WRAP53: variants seen among roughly 807,000 people sequenced by gnomAD.
The protein encoded by WRAP53 is WD repeat containing antisense to TP53.
Under a neutral mutation model 56.6 loss-of-function variants are expected in WRAP53, and 28 were observed. The ratio of observed to expected loss-of-function variants is 0.50; its 90% CI spans 0.37 to 0.68. The LOEUF is 0.68. WRAP53 is among the 30% of genes least tolerant of loss of function. The probability of loss-of-function intolerance (pLI) is 0.00; values close to 1 mark genes in which losing one functional copy is unlikely to be tolerated. For synonymous variants in WRAP53, 283 were observed against 283.4 expected (o/e 1.00, Z 0.01); for missense variants, 671 against 715.5 (o/e 0.94, Z 0.71).
intron 4 of WRAP53, among the ~76,000 whole-genome samples, chr17:7,698,041 T>C (rs769163565): frequency 1.3e-5 from 2 of 152,156 alleles, no homozygotes; most frequent in Non-Finnish European, 2.9e-5. Context: ...AATTTTTTAA[T>C]TTTTTGTAAA....
At chr17:7,691,922 C>T (rs138105383) in intron 4 of WRAP53, among the ~76,000 whole-genome samples, 3,448 of 151,810 alleles carry the variant, frequency 0.023, 127 homozygotes, top group African/African-American at 0.076. Flanking sequence ...CCGCAACCTC[C>T]GCCTCCCAGG....
At chr17:7,699,240 C>T (rs1407718857) in intron 4 of WRAP53, among the ~76,000 whole-genome samples, 1 of 149,458 alleles carries the variant, frequency 6.7e-6, no homozygotes, top group Non-Finnish European at 1.5e-5. Flanking sequence ...GCCAACGTGG[C>T]GAAACCCTGT....
At chr17:7,700,047 T>C (rs905680904) in intron 4 of WRAP53, among the ~76,000 whole-genome samples, 1 of 151,862 alleles carries the variant, frequency 6.6e-6, no homozygotes, top group Admixed American at 6.6e-5. Flanking sequence ...ATTTTTTTCT[T>C]TTCTTTTTCT....
chr17:7,695,078 G>A (rs1353539004), intron 4 of WRAP53, among the ~76,000 whole-genome samples: 1 of 151,684 alleles, frequency 6.6e-6, no homozygotes, highest in Non-Finnish European at 1.5e-5. Context: ...TCAGCCTCTC[G>A]AGTAGCTGGG....
chr17:7,702,837 A>T lies in WRAP53; in HGVS notation c.1259A>T (p.Asp420Val), dbSNP rs2074293668. The T allele has an allele frequency of 6.2e-7, 1 of 1,613,692 alleles. No individual in the cohort carries two copies. The highest frequency in any genetic ancestry group is 1.3e-5 in the African/African-American group (1 of 74,836). ...ACCACCAATCAGCGCATCTACTTCG[A>T]TCTGGACCCGTGAGTGGCTGTGACT... ...EVTTNQRIYF[D>V]LDPTGQFLVS... Residue 420 changes from aspartate to valine, a missense_variant, in exon 9 of 11, where the codon GAT becomes GTT. Asp to Val is a radical substitution (Grantham distance 152, BLOSUM62 -3). Transcript: ENST00000396463. The surrounding 1 kb of genome is among the most constrained non-coding windows in gnomAD (Gnocchi z 5.0).
intron 4 of WRAP53, among the ~76,000 whole-genome samples, chr17:7,697,040 G>T (rs2096508042): frequency 6.6e-6 from 1 of 152,136 alleles, no homozygotes. Context: ...GAAAAAGACG[G>T]CTGGGCATGG....
intron 4 of WRAP53, among the ~76,000 whole-genome samples, chr17:7,693,434 T>A (rs1026580323): frequency 6.6e-6 from 1 of 152,074 alleles, no homozygotes; most frequent in Non-Finnish European, 1.5e-5. Flanking sequence ...TTAAAGCACT[T>A]AAGGCCGGGT....
Position 7,689,338 on chromosome 17 carries a change from G to A in WRAP53, c.530+16G>A, listed in dbSNP as rs764697968. The A allele has an allele frequency of 1.2e-6, 2 of 1,612,566 alleles. No individual in the cohort carries two copies. Among genetic ancestry groups the A allele is most frequent in the Non-Finnish European group, 1.7e-6 (2 of 1,179,248 alleles). ...GCTGTAAGTGGTAAGGATAACAACG[G>A]GGCAGGGAGCTGACCACCCCCGAGA... On this transcript the variant is annotated intron_variant, in intron 3 of 10. Coordinates refer to ENST00000396463, the MANE Select transcript of WRAP53 (RefSeq NM_001143992.2).
rs550831358 is a variant in WRAP53 at position 7,693,042 on chromosome 17, C to A, written c.642+3341C>A. Among the ~76,000 whole-genome samples, 7 of 152,136 alleles carry A rather than the reference C, an allele frequency of 4.6e-5. No homozygotes were observed. In the South Asian group the frequency reaches 1.5e-3, roughly 32 times the overall value. On this transcript the variant is annotated intron_variant, in intron 4 of 10. Coordinates refer to ENST00000396463, the MANE Select transcript of WRAP53 (RefSeq NM_001143992.2). ...AAGCATGAGCCACCGCGCCCAGCCC[C>A]TCTTGGGTCATTCTCTAAATTCGCC...
At chr17:7,697,653 T>C (rs2074204437) in intron 4 of WRAP53, among the ~76,000 whole-genome samples, 1 of 152,136 alleles carries the variant, frequency 6.6e-6, no homozygotes, top group East Asian at 1.9e-4. Context: ...AGAAAGACTC[T>C]GTCTCAAAAA....
upstream of WRAP53, chr17:7,687,816 C>T (rs917093788): frequency 5.9e-5 from 23 of 391,290 alleles, no homozygotes; most frequent in Admixed American, 9.3e-4. Flanking sequence ...AAAGCTTTTG[C>T]GTTTGCTCTC....
At chr17:7,698,529 T>C (rs766435850) in intron 4 of WRAP53, among the ~76,000 whole-genome samples, 3 of 152,036 alleles carry the variant, frequency 2.0e-5, no homozygotes, top group Non-Finnish European at 4.4e-5. Context: ...GCCAGGAGTT[T>C]TAGACCAGCG....
rs550396358 is a variant in WRAP53, at chr17:7,701,373, G to A, written c.732-86G>A. ...ACCTGCCTTGGCCTCCCAAAGTGCT[G>A]GGATTACAGGCATGAGCCACTGTGC... is the stretch of plus-strand genomic sequence containing the variant. On this transcript the variant is annotated intron_variant, in intron 5 of 10. Coordinates refer to ENST00000396463, the MANE Select transcript of WRAP53 (RefSeq NM_001143992.2). The surrounding 1 kb of genome is among the most constrained non-coding windows in gnomAD (Gnocchi z 4.2). 6.8e-7 allele frequency: 1 copy of A among 1,473,462 alleles called. No individual in the cohort carries two copies. The highest frequency in any genetic ancestry group is 1.4e-5 in the African/African-American group (1 of 72,000). 91.3% of individuals were successfully genotyped at this position (1,473,462 alleles called of 1,614,324 possible). A position where few individuals can be genotyped will look rare whatever the true frequency, so the allele number is the denominator to read the frequency against.
intron 4 of WRAP53, among the ~76,000 whole-genome samples, chr17:7,699,524 A>ATATATATT (rs2074246201): frequency 1.8e-5 from 1 of 55,242 alleles, no homozygotes; most frequent in Non-Finnish European, 3.3e-5. Context: ...ATATATATTT[A>ATATATATT]TATATATATA....
At chr17:7,687,442 G>A (rs886053515), upstream of WRAP53, 1 of 398,544 alleles carries the variant, frequency 2.5e-6, no homozygotes, top group Non-Finnish European at 4.4e-6. Flanking sequence ...AAGTGTCCCC[G>A]GAGCCCAGCA....
At position 7,703,363 on chromosome 17, in the gene WRAP53, C is replaced by G. The variant is rs1348397428; in HGVS notation, c.1524C>G (p.Val508=). 1 of 1,614,040 alleles carries G rather than the reference C, an allele frequency of 6.2e-7. No homozygotes were observed. Among genetic ancestry groups the G allele is most frequent in the Admixed American group, 1.7e-5 (1 of 60,022 alleles). Residue 508 remains valine, a synonymous_variant, in exon 11 of 11, where the codon GTC becomes GTG. Transcript: ENST00000396463. The stretch of plus-strand genomic sequence containing the variant: ...TTCCCTTGCTCTCCACGCGCCACGT[C>G]CACCTTGAATGTCGGCTTCAGCTCT... ...LGLPLLSTRH[V]HLECRLQLWW...
At chr17:7,695,274 A>G (rs1211379763) in intron 4 of WRAP53, among the ~76,000 whole-genome samples, 1 of 152,168 alleles carries the variant, frequency 6.6e-6, no homozygotes, top group Admixed American at 6.5e-5. Context: ...TAAAATTTGT[A>G]TAGGTCAGAA....
intron 4 of WRAP53, among the ~76,000 whole-genome samples, chr17:7,694,532 T>TG (rs1360132999): frequency 6.6e-6 from 1 of 152,158 alleles, no homozygotes; most frequent in Non-Finnish European, 1.5e-5. Flanking sequence ...CGTGAGCCAC[T>TG]GCTCCTGGCC....
intron 4 of WRAP53, among the ~76,000 whole-genome samples, chr17:7,690,962 C>A (rs902695700): frequency 1.3e-5 from 2 of 151,286 alleles, no homozygotes; most frequent in African/African-American, 4.9e-5. Flanking sequence ...GTAATCCCAG[C>A]ACTTTGGGAG....
Sources: allele counts gnomAD v4.1 joint callset (sites outside exome capture counted in the v4.1 genomes callset), GRCh38; gene constraint gnomAD v4.1.1; non-coding constraint Gnocchi (gnomAD v3.1); transcripts MANE v1.5; gene names NCBI Gene and HGNC (gene_info 2026-07-23, HGNC 2026-07-21).